Variants in NGLY1 observed in about 807,000 individuals in gnomAD.
NGLY1 encodes peptide-N(4)-(N-acetyl-beta-glucosaminyl)asparagine amidase.
Under a neutral mutation model 84.6 loss-of-function variants are expected in NGLY1, and 68 were observed. The observed-to-expected ratio is 0.80, with a 90% CI of 0.66 to 0.98. NGLY1 has a LOEUF of 0.98. NGLY1 is among the 50% of genes least tolerant of loss of function. The pLI is 0.00. For missense variants in NGLY1, 779 were observed against 770.2 expected, an observed-to-expected ratio of 1.01 and a Z score of -0.14; for synonymous variants, 280 against 275.2, an observed-to-expected ratio of 1.02 and a Z score of -0.17.
chr3:25,780,607 T>C (rs1333618688), intron 1 of NGLY1, among the ~76,000 whole-genome samples: 1 of 152,188 alleles, frequency 6.6e-6, no homozygotes, highest in African/African-American at 2.4e-5. Flanking sequence ...AAAATACACA[T>C]CAGTTCTCAT....
chr3:25,776,243 T>C (rs956781718), intron 2 of NGLY1, among the ~76,000 whole-genome samples: 1 of 152,200 alleles, frequency 6.6e-6, no homozygotes, highest in African/African-American at 2.4e-5. Flanking sequence ...GGGACTTTCA[T>C]TGCTAAAACC....
At chr3:25,720,256 CTT>C in intron 10 of NGLY1, 65 bp from the exon 11 acceptor site, 1 of 1,315,854 alleles carries the variant, frequency 7.6e-7, no homozygotes, top group East Asian at 2.4e-5. Flanking sequence ...AGAAAACAAA[CTT>C]AGTGAAGAAT....
chr3:25,786,773 G>A (rs1448272233), upstream of NGLY1, among the ~76,000 whole-genome samples: 1 of 152,212 alleles, frequency 6.6e-6, no homozygotes, highest in African/African-American at 2.4e-5. Flanking sequence ...TTTATGGACT[G>A]TACATTGTTA....
intron 1 of NGLY1, among the ~76,000 whole-genome samples, chr3:25,780,741 C>T (rs1031112229): frequency 6.6e-6 from 1 of 151,834 alleles, no homozygotes. Context: ...CTGCCTCAGC[C>T]TCTGAAGTAG....
chr3:25,756,976 C>G (rs1707070243), intron 3 of NGLY1, among the ~76,000 whole-genome samples: 1 of 152,146 alleles, frequency 6.6e-6, no homozygotes, highest in Admixed American at 6.5e-5. Context: ...ATAAACAGAC[C>G]TGTTTTGTTT....
At chr3:25,779,569 T>C (rs934494557) in intron 1 of NGLY1, among the ~76,000 whole-genome samples, 4 of 151,678 alleles carry the variant, frequency 2.6e-5, no homozygotes, top group African/African-American at 9.8e-5. Flanking sequence ...CTGGGATCCA[T>C]AGGAAGATGT....
At chr3:25,758,867 T>C (rs939928939) in intron 3 of NGLY1, among the ~76,000 whole-genome samples, 1 of 152,180 alleles carries the variant, frequency 6.6e-6, no homozygotes, top group Non-Finnish European at 1.5e-5. Flanking sequence ...GGGATATTTG[T>C]ATGTTGCCTT....
At chr3:25,743,244 G>A (rs889973732) in intron 4 of NGLY1, among the ~76,000 whole-genome samples, 2 of 152,170 alleles carry the variant, frequency 1.3e-5, no homozygotes, top group Non-Finnish European at 2.9e-5. Flanking sequence ...GGAACTGTAA[G>A]AATAAATTTC....
At chr3:25,771,563 G>A (rs1205408465) in intron 2 of NGLY1, among the ~76,000 whole-genome samples, 1 of 152,054 alleles carries the variant, frequency 6.6e-6, no homozygotes, top group Admixed American at 6.6e-5. Context: ...CTAGTTTTAT[G>A]GAGAATGATG....
intron 2 of NGLY1, among the ~76,000 whole-genome samples, chr3:25,774,774 T>G (rs916661700): frequency 1.3e-5 from 2 of 152,108 alleles, no homozygotes; most frequent in African/African-American, 4.8e-5. Flanking sequence ...CCTTGGCTTC[T>G]GTGCTTGTAT....
chr3:25,723,869 T>C (rs1218150430), intron 10 of NGLY1, among the ~76,000 whole-genome samples: 1 of 152,188 alleles, frequency 6.6e-6, no homozygotes, highest in South Asian at 2.1e-4. Context: ...TCAGAAATCA[T>C]GGAGGTTTTC....
intron 2 of NGLY1, among the ~76,000 whole-genome samples, chr3:25,766,632 T>C (rs1322506174): frequency 2.0e-5 from 3 of 152,188 alleles, no homozygotes; most frequent in African/African-American, 7.2e-5. Flanking sequence ...AATCTTCTTA[T>C]ATCTAGGAGG....
At chr3:25,755,183 C>T (rs1706976280) in intron 3 of NGLY1, 1 of 1,293,802 alleles carries the variant, frequency 7.7e-7, no homozygotes, top group Admixed American at 1.7e-5. Context: ...CTCTCTTCCC[C>T]CAAGAGGTTT....
chr3:25,776,989 G>A (rs187562775), intron 2 of NGLY1, among the ~76,000 whole-genome samples: 12 of 152,296 alleles, frequency 7.9e-5, no homozygotes, highest in African/African-American at 2.4e-4. Context: ...TTAGACTAAT[G>A]TAATAAGCTT....
At chr3:25,725,696 C>A (rs1047674622) in intron 10 of NGLY1, among the ~76,000 whole-genome samples, 3 of 152,102 alleles carry the variant, frequency 2.0e-5, no homozygotes, top group Admixed American at 2.0e-4. Context: ...GGGGAACCCA[C>A]CCCTCCACAT....
At chr3:25,775,432 T>C (rs965904564) in intron 2 of NGLY1, among the ~76,000 whole-genome samples, 2 of 152,204 alleles carry the variant, frequency 1.3e-5, no homozygotes, top group African/African-American at 4.8e-5. Flanking sequence ...GTGGTATCTA[T>C]ACACAACGGA....
chr3:25,789,903 T>C (rs955455649), exon 1 of NGLY1: 3 of 1,551,650 alleles, frequency 1.9e-6, no homozygotes, highest in Non-Finnish European at 2.6e-6. Context: ...GGCGAGTCAC[T>C]GAGGTTCCGA....
chr3:25,765,700 C>T (rs968102345), intron 2 of NGLY1, among the ~76,000 whole-genome samples: 1 of 152,136 alleles, frequency 6.6e-6, no homozygotes, highest in Admixed American at 6.5e-5. Context: ...AAAAAGACAA[C>T]TACAATGTAT....
intron 4 of NGLY1, among the ~76,000 whole-genome samples, chr3:25,746,572 A>G (rs540380599): frequency 8.5e-5 from 13 of 152,342 alleles, no homozygotes; most frequent in African/African-American, 3.1e-4. Context: ...TGGGAAATGG[A>G]CTTTAAGTCT....
Sources: allele counts gnomAD v4.1 joint callset (sites outside exome capture counted in the v4.1 genomes callset), GRCh38; gene constraint gnomAD v4.1.1; transcripts MANE v1.5; gene names NCBI Gene and HGNC (gene_info 2026-07-23, HGNC 2026-07-21).